The following ZZZ3 variants were observed in gnomAD, a reference collection of about 807,000 sequenced individuals.
The protein encoded by ZZZ3 is zinc finger ZZ-type containing 3.
Under a neutral mutation model 95.2 loss-of-function variants are expected in ZZZ3, and 22 were observed. The observed-to-expected ratio is 0.23, with a 90% CI of 0.17 to 0.33. The LOEUF (loss-of-function observed/expected upper bound fraction) is 0.33. Ranked by LOEUF, ZZZ3 falls within the 10% of genes least tolerant of loss-of-function variation. ZZZ3 has a pLI of 1.00. For synonymous variants in ZZZ3, 335 were observed against 358.9 expected, an observed-to-expected ratio of 0.93 and a Z score of 0.75; for missense variants, 885 against 1,066.5, an observed-to-expected ratio of 0.83 and a Z score of 2.37.
chr1:77,651,146 G>A (rs149172330), intron 1 of ZZZ3, among the ~76,000 whole-genome samples: 29 of 152,290 alleles, frequency 1.9e-4, no homozygotes, highest in Middle Eastern at 3.4e-3. Context: ...CACTTTAGGA[G>A]GCTGAGGGAG....
chr1:77,649,088 C>T (rs1669564540), intron 1 of ZZZ3, among the ~76,000 whole-genome samples: 1 of 152,104 alleles, frequency 6.6e-6, no homozygotes, highest in African/African-American at 2.4e-5. Context: ...GATTGCACCA[C>T]TTCACTCCAG....
At chr1:77,577,159 G>T (rs2100529069) in intron 11 of ZZZ3, among the ~76,000 whole-genome samples, 1 of 152,190 alleles carries the variant, frequency 6.6e-6, no homozygotes, top group African/African-American at 2.4e-5. Flanking sequence ...CATTTCACCT[G>T]TTTCCAAATT....
In ZZZ3 at chr1:77,631,942, C is replaced by G; in HGVS notation, c.1413G>C (p.Glu471Asp). Reference sequence around the variant, plus strand: ...CTTCTGTAATGTGCTGACTGGCACTCTCTTTGGCAGATGGCAAATGTCCAA... The same window carrying G: ...CTTCTGTAATGTGCTGACTGGCACTGTCTTTGGCAGATGGCAAATGTCCAA... The part of the protein sequence containing the change: ...LNIGHLPSAK[E>D]SASQHITEEE... Residue 471 changes from glutamate (E) to aspartate (D), a missense_variant, in exon 5 of 15, where the codon GAG becomes GAC. Physicochemically the swap from Glu to Asp is conservative, Grantham distance 45. Transcript: ENST00000370801. The G allele has an allele frequency of 6.2e-7, 1 of 1,614,076 alleles. No homozygotes were observed. Among genetic ancestry groups the G allele is most frequent in the Non-Finnish European group, 8.5e-7 (1 of 1,179,980 alleles).
chr1:77,603,003 A>G (rs149934597), intron 5 of ZZZ3, among the ~76,000 whole-genome samples: 1 of 152,132 alleles, frequency 6.6e-6, no homozygotes, highest in Non-Finnish European at 1.5e-5. Context: ...TCTGAACTTA[A>G]ATAAAAATTG....
intron 1 of ZZZ3, among the ~76,000 whole-genome samples, chr1:77,669,221 TGTCA>T (rs1557779794): frequency 6.6e-6 from 1 of 152,172 alleles, no homozygotes; most frequent in Non-Finnish European, 1.5e-5. Flanking sequence ...ACTCTGAGGT[TGTCA>T]GTATCATCAT....
rs562854658 is a variant in ZZZ3, at chr1:77,639,990, G to C, written c.-205-388C>G. 9.1e-4 allele frequency among the ~76,000 whole-genome samples: 137 copies of C among 151,112 alleles called. 2 individuals are homozygous for C. Among genetic ancestry groups the C allele is most frequent in the African/African-American group, 2.9e-3 (119 of 41,148 alleles). On this transcript the variant is annotated intron_variant, in intron 3 of 14. Transcript: ENST00000370801. ...AATATCATCTCGTACTCTTGTCCTAGAGGACTTCCCAAATTCTCGACATCA... is the reference window on the plus strand; with the variant it reads ...AATATCATCTCGTACTCTTGTCCTACAGGACTTCCCAAATTCTCGACATCA...
At chr1:77,682,256 A>G (rs1672843718) in intron 1 of ZZZ3, among the ~76,000 whole-genome samples, 1 of 152,230 alleles carries the variant, frequency 6.6e-6, no homozygotes, top group Non-Finnish European at 1.5e-5. Flanking sequence ...ACCGGTCTGG[A>G]ATACTTTAGA....
chr1:77,616,977 A>G (rs1219138847), intron 5 of ZZZ3, among the ~76,000 whole-genome samples: 1 of 152,238 alleles, frequency 6.6e-6, no homozygotes, highest in Non-Finnish European at 1.5e-5. Context: ...TAAATGCATT[A>G]CAAATATATG....
chr1:77,623,978 A>G (rs1667110427), intron 5 of ZZZ3, among the ~76,000 whole-genome samples: 1 of 152,234 alleles, frequency 6.6e-6, no homozygotes, highest in Admixed American at 6.5e-5. Flanking sequence ...ATTTATTACT[A>G]TACATTACAA....
chr1:77,578,240 A>G (rs756854070), intron 11 of ZZZ3, among the ~76,000 whole-genome samples: 4 of 152,170 alleles, frequency 2.6e-5, no homozygotes, highest in Admixed American at 6.5e-5. Flanking sequence ...ATTAAATACA[A>G]TATTTTATTT....
At chr1:77,577,287 TATC>T (rs1292078315) in intron 11 of ZZZ3, among the ~76,000 whole-genome samples, 2 of 152,254 alleles carry the variant, frequency 1.3e-5, no homozygotes, top group Non-Finnish European at 2.9e-5. Context: ...TTCCTTTTGT[TATC>T]ATTATCCAGT....
chr1:77,656,362 A>G (rs1020583828), intron 1 of ZZZ3, among the ~76,000 whole-genome samples: 1 of 152,342 alleles, frequency 6.6e-6, no homozygotes, highest in Admixed American at 6.5e-5. Flanking sequence ...CAGGTAATAA[A>G]TAAATGACTA....
At chr1:77,567,649 T>A (rs905287964) in intron 13 of ZZZ3, among the ~76,000 whole-genome samples, 1 of 152,220 alleles carries the variant, frequency 6.6e-6, no homozygotes, top group African/African-American at 2.4e-5. Context: ...AAATTCCTTA[T>A]GAGAATGAAA....
At chr1:77,629,921 G>A (rs1366882583) in intron 5 of ZZZ3, among the ~76,000 whole-genome samples, 1 of 152,158 alleles carries the variant, frequency 6.6e-6, no homozygotes, top group Non-Finnish European at 1.5e-5. Flanking sequence ...TGTTATGACT[G>A]TATCTTTAGG....
Position 77,581,904 on chromosome 1 carries a change from A to C in ZZZ3, c.1793-13T>G, listed in dbSNP as rs1317073731. ...GCAGGTAAACCTACTGAAAAATAAG[A>C]CCACATACAGAACTGTTAAAGCAAA... On this transcript the variant is annotated splice_polypyrimidine_tract_variant and intron_variant, in intron 7 of 14. Transcript: ENST00000370801. 2 of 1,610,208 alleles carry C rather than the reference A, an allele frequency of 1.2e-6. No homozygotes were observed. Among genetic ancestry groups the C allele is most frequent in the East Asian group, 2.2e-5 (1 of 44,824 alleles).
At chr1:77,581,954 A>C in intron 7 of ZZZ3, 25 bp downstream of exon 7, 1 of 1,600,570 alleles carries the variant, frequency 6.2e-7, no homozygotes, top group Non-Finnish European at 8.5e-7. Flanking sequence ...TTTTCTACTT[A>C]AATTCTTATC....
At chr1:77,638,437 G>T (rs957013506) in intron 4 of ZZZ3, among the ~76,000 whole-genome samples, 3 of 152,040 alleles carry the variant, frequency 2.0e-5, no homozygotes. Context: ...GTACGCATAA[G>T]AACTAAAACA....
At chr1:77,567,969 G>C (rs1455684993) in intron 13 of ZZZ3, among the ~76,000 whole-genome samples, 1 of 152,150 alleles carries the variant, frequency 6.6e-6, no homozygotes, top group African/African-American at 2.4e-5. Context: ...TTGCATAAAT[G>C]AATGGGATAA....
intron 1 of ZZZ3, among the ~76,000 whole-genome samples, chr1:77,680,386 A>G (rs1383580004): frequency 6.6e-6 from 1 of 152,158 alleles, no homozygotes; most frequent in Middle Eastern, 3.4e-3. Context: ...TTTCTCCCCA[A>G]CTTGTCCAAT....
Sources: gnomAD v4.1 joint callset for allele counts (sites outside exome capture counted in the v4.1 genomes callset) on GRCh38, gnomAD v4.1.1 for gene constraint, MANE v1.5 for transcripts, NCBI Gene and HGNC (gene_info 2026-07-23, HGNC 2026-07-21) for gene names.